The following ZNF804A variants were observed in gnomAD, a reference collection of about 807,000 sequenced individuals.
ZNF804A encodes the protein zinc finger protein 804A.
A neutral mutation model predicts 16.5 loss-of-function variants in ZNF804A; 2 were observed. The observed-to-expected ratio is 0.12, with a 90% confidence interval of 0.05 to 0.38. ZNF804A has a LOEUF of 0.38. Ranked by LOEUF, ZNF804A falls within the 10% of genes least tolerant of loss-of-function variation. The pLI, the probability that ZNF804A is intolerant of heterozygous loss-of-function variation, is 0.99. For missense variants in ZNF804A, 1,473 were observed against 1,390.7 expected (o/e 1.06, Z -0.94); for synonymous variants, 534 against 489.6 (o/e 1.09, Z -1.20).
intron 2 of ZNF804A, among the ~76,000 whole-genome samples, chr2:184,869,290 A>G (rs578011818): frequency 6.6e-6 from 1 of 152,166 alleles, no homozygotes; most frequent in East Asian, 1.9e-4. Context: ...CTTAAGTGTC[A>G]TATGGGTACT....
chr2:184,675,342 A>C (rs77010827), intron 1 of ZNF804A, among the ~76,000 whole-genome samples: 11 of 151,798 alleles, frequency 7.2e-5, no homozygotes, highest in African/African-American at 1.9e-4. Context: ...ATATCTCCAC[A>C]ATATAAAGCA....
chr2:184,922,929 T>C (rs907059090), intron 2 of ZNF804A, among the ~76,000 whole-genome samples: 9 of 152,070 alleles, frequency 5.9e-5, no homozygotes, highest in African/African-American at 2.2e-4. Flanking sequence ...GTCTTTTTTA[T>C]GCCAATACCA....
intron 1 of ZNF804A, among the ~76,000 whole-genome samples, chr2:184,657,517 T>TA (rs1366582517): frequency 6.6e-6 from 1 of 152,216 alleles, no homozygotes; most frequent in Non-Finnish European, 1.5e-5. Context: ...AGGGATTCTG[T>TA]ACATCCCTTT....
intron 1 of ZNF804A, among the ~76,000 whole-genome samples, chr2:184,753,051 G>T (rs910630060): frequency 1.3e-5 from 2 of 151,520 alleles, no homozygotes; most frequent in African/African-American, 4.8e-5. Context: ...AGAGCATCAT[G>T]AAAACATTTT....
At chr2:184,783,421 C>A (rs549054490) in intron 1 of ZNF804A, among the ~76,000 whole-genome samples, 2 of 151,566 alleles carry the variant, frequency 1.3e-5, no homozygotes, top group Non-Finnish European at 2.9e-5. Context: ...TTTGGAAGAG[C>A]AATAAAAATC....
In ZNF804A at chr2:184,662,127, T is replaced by A. The variant is rs181319970; in HGVS notation, c.111+63057T>A. Reference sequence around the variant, plus strand: ...TCTTTTGTTAAGTACTCTTTTTAAATGGCTTACCAAAAATCCAGGGAATGT... The same window carrying A: ...TCTTTTGTTAAGTACTCTTTTTAAAAGGCTTACCAAAAATCCAGGGAATGT... On this transcript the variant is annotated intron_variant, in intron 1 of 3. Coordinates refer to ENST00000302277, the MANE Select transcript of ZNF804A (RefSeq NM_194250.2). 4.6e-5 allele frequency among the ~76,000 whole-genome samples: 7 copies of A among 152,324 alleles called. No homozygotes were observed. The East Asian group carries it at 1.4e-3, about 29-fold the overall frequency.
Position 184,598,742 on chromosome 2 carries a change from A to G in ZNF804A, c.-218A>G. ...GAATCTGAGGAGAAACAGGAGCGAG[A>G]GACTGAGGGGAGAGCGCGGCGAGCA... On this transcript the variant is annotated 5_prime_UTR_variant, in exon 1 of 4. Transcript: ENST00000302277. 2.9e-6 allele frequency: 1 copy of G among 347,828 alleles called. No individual in the cohort carries two copies. Among genetic ancestry groups the G allele is most frequent in the East Asian group, 4.6e-5 (1 of 21,844 alleles). The allele number at this position is 347,828 out of a possible 1,614,324, so 21.5% of individuals were successfully genotyped here. A position where few individuals can be genotyped will look rare whatever the true frequency, so the allele number is the denominator to read the frequency against.
At chr2:184,761,480 G>A (rs2105763467) in intron 1 of ZNF804A, among the ~76,000 whole-genome samples, 1 of 152,188 alleles carries the variant, frequency 6.6e-6, no homozygotes, top group East Asian at 1.9e-4. Context: ...GATTGAAATA[G>A]CATTGCAAGT....
chr2:184,803,585 A>G (rs928133815), intron 1 of ZNF804A, among the ~76,000 whole-genome samples: 58 of 152,322 alleles, frequency 3.8e-4, no homozygotes, highest in Non-Finnish European at 7.6e-4. Context: ...AACAACACCT[A>G]CATAAGAAAG....
In ZNF804A at chr2:184,854,972, A is replaced by G. The variant is rs188498076; in HGVS notation, c.112-11397A>G. Among the ~76,000 whole-genome samples, 13 of 152,218 alleles carry G rather than the reference A, an allele frequency of 8.5e-5. No homozygotes were observed. The East Asian group carries it at 2.5e-3, about 29-fold the overall frequency. On this transcript the variant is annotated intron_variant, in intron 1 of 3. Coordinates refer to ENST00000302277, the MANE Select transcript of ZNF804A (RefSeq NM_194250.2). Reference sequence around the variant, plus strand: ...AATTTAAAAAAAATGTGTTGATAACATATTTACTTGTCACAAAGGAGTAGA... The same window carrying G: ...AATTTAAAAAAAATGTGTTGATAACGTATTTACTTGTCACAAAGGAGTAGA...
At chr2:184,707,653 T>C (rs1336927796) in intron 1 of ZNF804A, among the ~76,000 whole-genome samples, 4 of 152,154 alleles carry the variant, frequency 2.6e-5, no homozygotes, top group African/African-American at 9.7e-5. Context: ...TATTCCGTGG[T>C]GTATATGTAT....
intron 1 of ZNF804A, among the ~76,000 whole-genome samples, chr2:184,841,141 G>C (rs999456311): frequency 1.3e-5 from 2 of 151,892 alleles, no homozygotes; most frequent in African/African-American, 4.8e-5. Context: ...ATATGTCCCT[G>C]TATGTCTTCT....
At chr2:184,934,759 G>A (rs1045136491) in intron 3 of ZNF804A, among the ~76,000 whole-genome samples, 1 of 151,852 alleles carries the variant, frequency 6.6e-6, no homozygotes, top group Non-Finnish European at 1.5e-5. Context: ...AAGCAATACT[G>A]TTTATTTAAA....
intron 1 of ZNF804A, among the ~76,000 whole-genome samples, chr2:184,834,604 T>G (rs1210486380): frequency 6.6e-6 from 1 of 152,096 alleles, no homozygotes; most frequent in Non-Finnish European, 1.5e-5. Flanking sequence ...ACAGATATAT[T>G]CAATTCTAGT....
chr2:184,668,535 A>G (rs1169790656), intron 1 of ZNF804A, among the ~76,000 whole-genome samples: 2 of 151,978 alleles, frequency 1.3e-5, no homozygotes, highest in Admixed American at 6.6e-5. Context: ...TTTCTTCACA[A>G]TAAAACATGG....
At chr2:184,887,926 A>G (rs573538373) in intron 2 of ZNF804A, among the ~76,000 whole-genome samples, 13 of 152,286 alleles carry the variant, frequency 8.5e-5, no homozygotes, top group African/African-American at 3.1e-4. Context: ...AACATTGAGT[A>G]TATATGGACA....
intron 1 of ZNF804A, among the ~76,000 whole-genome samples, chr2:184,670,578 A>G (rs1452285293): frequency 6.6e-6 from 1 of 152,092 alleles, no homozygotes; most frequent in Non-Finnish European, 1.5e-5. Flanking sequence ...TATTTAAATG[A>G]CTACATATAT....
chr2:184,641,019 A>G (rs1009961339), intron 1 of ZNF804A, among the ~76,000 whole-genome samples: 2 of 152,128 alleles, frequency 1.3e-5, no homozygotes, highest in African/African-American at 2.4e-5. Context: ...CGGTGGCACA[A>G]TCTTGGCTCA....
At chr2:184,896,870 A>G (rs1007359386) in intron 2 of ZNF804A, among the ~76,000 whole-genome samples, 3 of 145,438 alleles carry the variant, frequency 2.1e-5, no homozygotes, top group Non-Finnish European at 3.1e-5. Context: ...GTTATCTTCT[A>G]TTCCTTTTGT....
Sources: allele counts gnomAD v4.1 joint callset (sites outside exome capture counted in the v4.1 genomes callset), GRCh38; gene constraint gnomAD v4.1.1; transcripts MANE v1.5; gene names NCBI Gene and HGNC (gene_info 2026-07-23, HGNC 2026-07-21).